The following HECW2 variants were observed in gnomAD, a reference collection of about 807,000 sequenced individuals.
HECW2 encodes the protein E3 ubiquitin-protein ligase HECW2.
HECW2 carries 61 observed loss-of-function variants against 175.2 expected under a neutral mutation model. The observed-to-expected ratio is 0.35, with a 90% CI of 0.28 to 0.43. The LOEUF (loss-of-function observed/expected upper bound fraction) is 0.43. Ranked by LOEUF, HECW2 falls within the 20% of genes least tolerant of loss-of-function variation. HECW2 has a pLI of 1.00. For missense variants in HECW2, 1,524 were observed against 2,000.5 expected, an observed-to-expected ratio of 0.76 and a Z score of 4.54; for synonymous variants, 671 against 731.0, an observed-to-expected ratio of 0.92 and a Z score of 1.32.
intron 10 of HECW2, among the ~76,000 whole-genome samples, chr2:196,308,836 A>G (rs1189750837): frequency 6.6e-6 from 1 of 152,234 alleles, no homozygotes; most frequent in Admixed American, 6.5e-5. Flanking sequence ...CCATTCACCT[A>G]CTGAAATCCA....
intron 1 of HECW2, among the ~76,000 whole-genome samples, chr2:196,480,177 C>T (rs1049481688): frequency 1.3e-5 from 2 of 152,170 alleles, no homozygotes; most frequent in South Asian, 2.1e-4. Context: ...TATCTTTCCA[C>T]ACTCCTACTC....
intron 21 of HECW2, among the ~76,000 whole-genome samples, chr2:196,236,322 C>G (rs1221928309): frequency 6.6e-6 from 1 of 152,170 alleles, no homozygotes; most frequent in East Asian, 1.9e-4. Context: ...CTCCCCGAAT[C>G]CTGACTGCAT....
chr2:196,447,494 T>C (rs1054340356), intron 1 of HECW2, among the ~76,000 whole-genome samples: 8 of 152,182 alleles, frequency 5.3e-5, no homozygotes, highest in African/African-American at 1.4e-4. Flanking sequence ...CAGGAATTCA[T>C]AAAAGTCAAA....
chr2:196,456,812 T>G (rs1373364745), intron 1 of HECW2, among the ~76,000 whole-genome samples: 1 of 152,144 alleles, frequency 6.6e-6, no homozygotes, highest in East Asian at 1.9e-4. Context: ...AACATACCAA[T>G]TCAACAAAAC....
intron 15 of HECW2, among the ~76,000 whole-genome samples, chr2:196,276,078 C>G (rs772770667): frequency 6.6e-6 from 1 of 152,210 alleles, no homozygotes; most frequent in Non-Finnish European, 1.5e-5. Context: ...TATATACTTT[C>G]TCTCCTCACA....
At chr2:196,573,265 T>G (rs563597815) in intron 1 of HECW2, among the ~76,000 whole-genome samples, 21 of 145,674 alleles carry the variant, frequency 1.4e-4, no homozygotes, top group Non-Finnish European at 2.6e-4. Flanking sequence ...AAAAAAAAAA[T>G]GTCAAAATCA....
intron 1 of HECW2, among the ~76,000 whole-genome samples, chr2:196,476,817 T>C (rs886580673): frequency 6.6e-6 from 1 of 151,326 alleles, no homozygotes; most frequent in Non-Finnish European, 1.5e-5. Context: ...CTGTAAAAGA[T>C]TGAGGTTTTT....
At chr2:196,518,393 C>G (rs560398919) in intron 1 of HECW2, among the ~76,000 whole-genome samples, 5 of 152,000 alleles carry the variant, frequency 3.3e-5, no homozygotes, top group Non-Finnish European at 7.4e-5. Context: ...CGGTGGCTCA[C>G]GACTGTAATC....
At chr2:196,203,503 CTG>C (rs566249570) in intron 28 of HECW2, among the ~76,000 whole-genome samples, 41 of 152,220 alleles carry the variant, frequency 2.7e-4, no homozygotes, top group African/African-American at 9.1e-4. Flanking sequence ...CTATGCCAAA[CTG>C]TGTGTGTCAG....
intron 1 of HECW2, among the ~76,000 whole-genome samples, chr2:196,574,223 A>C (rs1039768525): frequency 2.0e-5 from 3 of 152,230 alleles, no homozygotes; most frequent in African/African-American, 7.2e-5. Context: ...TGAGGTCAGG[A>C]GTTCAAAACC....
chr2:196,554,458 TG>T (rs1465294716), intron 1 of HECW2, among the ~76,000 whole-genome samples: 3 of 152,156 alleles, frequency 2.0e-5, no homozygotes, highest in Admixed American at 2.0e-4. Flanking sequence ...ATGAAAAAAC[TG>T]AAGAAACATC....
chr2:196,433,371 T>C lies in HECW2; in HGVS notation c.53A>G (p.Gln18Arg). 6.2e-7 allele frequency: 1 copy of C among 1,614,132 alleles called. No homozygotes were observed. The change falls in exon 2 of 29, where the codon CAG becomes CGG. Residue 18 changes from glutamine to arginine, a missense_variant. Gln to Arg is a conservative substitution (Grantham distance 43). Coordinates refer to ENST00000644978, the MANE Select transcript of HECW2 (RefSeq NM_001348768.2). ...CTCTGGGCTCAATGTGTACCGCATC[T>C]GGGGATTTCGACGCCTCACAAAAAG... ...HLLFVRRRNP[Q>R]MRYTLSPENL...
chr2:196,489,800 G>A (rs1291512035), intron 1 of HECW2, among the ~76,000 whole-genome samples: 1 of 152,186 alleles, frequency 6.6e-6, no homozygotes, highest in Non-Finnish European at 1.5e-5. Flanking sequence ...TTCAGTGGAT[G>A]ACACTTTAGC....
chr2:196,397,553 A>T (rs1423668933), intron 2 of HECW2, among the ~76,000 whole-genome samples: 1 of 152,368 alleles, frequency 6.6e-6, no homozygotes, highest in East Asian at 1.9e-4. Context: ...ATTTTTAAAA[A>T]ATGTATTCTA....
intron 1 of HECW2, among the ~76,000 whole-genome samples, chr2:196,558,776 A>T (rs1236609511): frequency 6.6e-6 from 1 of 152,270 alleles, no homozygotes; most frequent in Non-Finnish European, 1.5e-5. Flanking sequence ...CAATAACAGA[A>T]GATGATGCTT....
intron 2 of HECW2, among the ~76,000 whole-genome samples, chr2:196,423,314 A>C (rs1682289558): frequency 6.6e-6 from 1 of 152,028 alleles, no homozygotes; most frequent in Admixed American, 6.6e-5. Flanking sequence ...AAAATGGAGA[A>C]ATTCAGGTTT....
At chr2:196,412,358 C>T (rs1305437956) in intron 2 of HECW2, among the ~76,000 whole-genome samples, 7 of 152,140 alleles carry the variant, frequency 4.6e-5, no homozygotes, top group Non-Finnish European at 1.5e-5. Flanking sequence ...TAAGGCCCAC[C>T]CTAATGACAT....
intron 22 of HECW2, among the ~76,000 whole-genome samples, chr2:196,227,281 T>C (rs1339106212): frequency 1.3e-5 from 2 of 150,186 alleles, no homozygotes; most frequent in African/African-American, 4.9e-5. Context: ...TTCTTTCCTT[T>C]GTTGCTGTCA....
intron 1 of HECW2, among the ~76,000 whole-genome samples, chr2:196,461,839 C>T (rs1696757269): frequency 6.6e-6 from 1 of 152,102 alleles, no homozygotes; most frequent in Non-Finnish European, 1.5e-5. Context: ...GGTCTCTCGC[C>T]TGACACACGG....
Sources: gnomAD v4.1 joint callset for allele counts (sites outside exome capture counted in the v4.1 genomes callset) on GRCh38, gnomAD v4.1.1 for gene constraint, MANE v1.5 for transcripts, NCBI Gene and HGNC (gene_info 2026-07-23, HGNC 2026-07-21) for gene names.